The following KCNMA1 variants were observed in gnomAD, a reference collection of about 807,000 sequenced individuals.
KCNMA1 encodes the protein Calcium-activated potassium channel subunit alpha-1.
Under a neutral mutation model 140.0 loss-of-function variants are expected in KCNMA1, and 29 were observed. The observed-to-expected ratio is 0.21, with a 90% CI of 0.15 to 0.28. The LOEUF is 0.28. Among genes scored for constraint, KCNMA1 ranks in the 10% least tolerant of loss-of-function variants. The probability of loss-of-function intolerance (pLI) is 1.00; values close to 1 mark genes in which losing one functional copy is unlikely to be tolerated. For missense variants in KCNMA1, 880 were observed against 1,602.2 expected (o/e 0.55, Z 7.70); for synonymous variants, 612 against 611.9 (o/e 1.00, Z 0.00).
chr10:77,540,819 G>A (rs1333670545), intron 1 of KCNMA1, among the ~76,000 whole-genome samples: 2 of 152,042 alleles, frequency 1.3e-5, no homozygotes, highest in African/African-American at 4.8e-5. Flanking sequence ...TGGTCAACAG[G>A]GCGAAACCCC....
chr10:77,459,692 C>A (rs1426158436), intron 1 of KCNMA1, among the ~76,000 whole-genome samples: 1 of 152,212 alleles, frequency 6.6e-6, no homozygotes, highest in Non-Finnish European at 1.5e-5. Context: ...TGAAGACCAG[C>A]ACCCAAAATC....
intron 13 of KCNMA1, 76 bp downstream of exon 13, chr10:77,079,403 TGA>T: frequency 3.8e-6 from 3 of 799,398 alleles, no homozygotes; most frequent in East Asian, 2.5e-5. Flanking sequence ...TGTGTGTGTG[TGA>T]GCCTGTATAA....
intron 2 of KCNMA1, among the ~76,000 whole-genome samples, chr10:77,317,940 T>C (rs1462090677): frequency 2.0e-5 from 3 of 152,162 alleles, no homozygotes; most frequent in African/African-American, 7.2e-5. Context: ...GACTCCTGGG[T>C]TGAGCCCGCA....
chr10:77,461,577 C>T (rs909118794), intron 1 of KCNMA1, among the ~76,000 whole-genome samples: 1 of 152,098 alleles, frequency 6.6e-6, no homozygotes, highest in African/African-American at 2.4e-5. Flanking sequence ...CACAGATCAC[C>T]CAGCCTTCTA....
chr10:76,888,705 T>G (rs2038486884), intron 27 of KCNMA1, among the ~76,000 whole-genome samples: 1 of 152,208 alleles, frequency 6.6e-6, no homozygotes, highest in Non-Finnish European at 1.5e-5. Context: ...ATATAAAAGT[T>G]AAAAAGCGAG....
intron 5 of KCNMA1, among the ~76,000 whole-genome samples, chr10:77,136,569 A>T (rs1477745387): frequency 7.2e-6 from 1 of 139,236 alleles, no homozygotes; most frequent in Non-Finnish European, 1.5e-5. Flanking sequence ...ACAATTTTTT[A>T]AAAATAGCAA....
At chr10:77,112,142 T>A (rs2097340771) in intron 7 of KCNMA1, among the ~76,000 whole-genome samples, 2 of 152,148 alleles carry the variant, frequency 1.3e-5, no homozygotes, top group Admixed American at 6.5e-5. Flanking sequence ...CAATGAGCAA[T>A]GAACTGAAAA....
intron 1 of KCNMA1, among the ~76,000 whole-genome samples, chr10:77,534,493 A>C (rs1026697857): frequency 6.6e-6 from 1 of 152,202 alleles, no homozygotes; most frequent in Non-Finnish European, 1.5e-5. Flanking sequence ...TCCTTTCTCT[A>C]TCCACGTTTA....
chr10:77,310,599 A>C (rs1239235978), intron 2 of KCNMA1, among the ~76,000 whole-genome samples: 1 of 152,222 alleles, frequency 6.6e-6, no homozygotes, highest in Non-Finnish European at 1.5e-5. Context: ...TCACTTCTTA[A>C]AACCCCAGCT....
At chr10:77,025,916 G>A (rs1327005195) in intron 16 of KCNMA1, among the ~76,000 whole-genome samples, 1 of 150,650 alleles carries the variant, frequency 6.6e-6, no homozygotes, top group Admixed American at 6.6e-5. Flanking sequence ...AGCCACATTT[G>A]AGAATTAAAG....
chr10:77,351,915 C>G (rs2092933108), intron 2 of KCNMA1, among the ~76,000 whole-genome samples: 1 of 152,182 alleles, frequency 6.6e-6, no homozygotes, highest in Admixed American at 6.5e-5. Context: ...CTGGATTGTC[C>G]TCAAGTAGAC....
In KCNMA1 at chr10:77,632,323, C is replaced by T. The variant is rs527364383; in HGVS notation, c.378+4942G>A. ...GACAGTGAGTGTCCTGGCCAAGAGA[C>T]CGTGACATCACTTGGGAGACAGGTC... On this transcript the variant is annotated intron_variant, in intron 1 of 27. Coordinates refer to ENST00000286628, the MANE Select transcript of KCNMA1 (RefSeq NM_001161352.2). 4.7e-4 allele frequency among the ~76,000 whole-genome samples: 72 copies of T among 152,260 alleles called. 2 individuals carry two copies. In the South Asian group the frequency reaches 0.014, roughly 30 times the overall value.
chr10:77,132,908 T>A (rs2097895698), intron 5 of KCNMA1, among the ~76,000 whole-genome samples: 2 of 152,192 alleles, frequency 1.3e-5, no homozygotes, highest in African/African-American at 4.8e-5. Flanking sequence ...GATTCATTTA[T>A]GTGTTGACTG....
rs200559826 is a variant in KCNMA1, at chr10:77,637,511, G to A, written c.132C>T (p.Ser44=). Residue 44 remains serine (S), a synonymous_variant, in exon 1 of 28, where the codon TCC becomes TCT. Coordinates refer to ENST00000286628, the MANE Select transcript of KCNMA1 (RefSeq NM_001161352.2). ...AGGAAGAAGAAGAAGAGGAAGAGGA[G>A]GAGGAGGAGGAGGAGGACGCGTCTA... The part of the protein sequence containing the change: ...LSLDASSSSS[S]SSSSSSSSSS... 3.9e-6 allele frequency: 6 copies of A among 1,554,666 alleles called. No individual in the cohort carries two copies. Among genetic ancestry groups the A allele is most frequent in the South Asian group, 1.2e-5 (1 of 86,430 alleles).
intron 2 of KCNMA1, among the ~76,000 whole-genome samples, chr10:77,255,215 T>C (rs1289243464): frequency 6.6e-6 from 1 of 152,212 alleles, no homozygotes; most frequent in Non-Finnish European, 1.5e-5. Context: ...ATTGGAACAA[T>C]GGTGTTTGAG....
intron 2 of KCNMA1, among the ~76,000 whole-genome samples, chr10:77,338,687 A>G (rs1453361022): frequency 6.6e-6 from 1 of 152,192 alleles, no homozygotes; most frequent in African/African-American, 2.4e-5. Flanking sequence ...GAATAGTGCT[A>G]GCTTGTTCAT....
chr10:77,236,123 T>C (rs2055349799), intron 3 of KCNMA1, among the ~76,000 whole-genome samples: 2 of 152,174 alleles, frequency 1.3e-5, no homozygotes, highest in African/African-American at 4.8e-5. Flanking sequence ...CCAGTCCCAG[T>C]AAAAACTTTG....
chr10:77,034,304 C>T (rs1470835983), intron 15 of KCNMA1, among the ~76,000 whole-genome samples: 2 of 151,080 alleles, frequency 1.3e-5, no homozygotes, highest in Non-Finnish European at 2.9e-5. Flanking sequence ...TTAAAATGCT[C>T]ATTTTTGCAG....
At chr10:77,559,872 G>A (rs771848455) in intron 1 of KCNMA1, among the ~76,000 whole-genome samples, 2 of 152,096 alleles carry the variant, frequency 1.3e-5, no homozygotes, top group African/African-American at 4.8e-5. Flanking sequence ...TATTCAGCCC[G>A]ATATGTTTAA....
Sources: allele counts gnomAD v4.1 joint callset (sites outside exome capture counted in the v4.1 genomes callset), GRCh38; gene constraint gnomAD v4.1.1; transcripts MANE v1.5; gene names NCBI Gene and HGNC (gene_info 2026-07-23, HGNC 2026-07-21).